ARMC2: variants seen among roughly 807,000 people sequenced by gnomAD.
The protein encoded by ARMC2 is armadillo repeat containing 2.
ARMC2 carries 67 observed loss-of-function variants against 90.3 expected under a neutral mutation model. That is an observed-to-expected ratio of 0.74 (90% CI 0.61 to 0.91). The LOEUF (loss-of-function observed/expected upper bound fraction) is 0.91. Among genes scored for constraint, ARMC2 ranks in the 40% least tolerant of loss-of-function variants. The pLI is 0.00. For missense variants in ARMC2, 920 were observed against 1,030.9 expected (o/e 0.89, Z 1.47); for synonymous variants, 393 against 393.0 (o/e 1.00, Z 0.00).
At chr6:108,874,303 C>T (rs921846576) in intron 4 of ARMC2, among the ~76,000 whole-genome samples, 1 of 152,184 alleles carries the variant, frequency 6.6e-6, no homozygotes, top group Non-Finnish European at 1.5e-5. Flanking sequence ...TCTAGAAGCT[C>T]CATGATGGCT....
chr6:108,998,776 G>A, the ARMC2 span: 28 of 1,582,498 alleles, frequency 1.8e-5, no homozygotes, highest in Non-Finnish European at 2.3e-5. Flanking sequence ...AAAAAAAAAA[G>A]AATATATTTT....
intron 12 of ARMC2, among the ~76,000 whole-genome samples, chr6:108,951,038 C>T (rs1562421343): frequency 6.6e-6 from 1 of 152,172 alleles, no homozygotes. Context: ...AATCATTGCT[C>T]AGTACAATTT....
At chr6:108,905,150 G>A (rs1303153752) in intron 8 of ARMC2, among the ~76,000 whole-genome samples, 1 of 152,186 alleles carries the variant, frequency 6.6e-6, no homozygotes, top group African/African-American at 2.4e-5. Context: ...TTTCATACAA[G>A]TACAAGCTTT....
At chr6:108,950,211 C>G (rs187310106) in intron 12 of ARMC2, among the ~76,000 whole-genome samples, 296 of 151,816 alleles carry the variant, frequency 1.9e-3, no homozygotes, top group Non-Finnish European at 2.5e-3. Flanking sequence ...GTCTCAAAAA[C>G]AAAAACAAAA....
At chr6:108,853,640 A>G (rs1774226418) in intron 1 of ARMC2, among the ~76,000 whole-genome samples, 1 of 152,150 alleles carries the variant, frequency 6.6e-6, no homozygotes, top group Non-Finnish European at 1.5e-5. Context: ...CTCTTTCAGG[A>G]AGGGGTGTTG....
intron 3 of ARMC2, among the ~76,000 whole-genome samples, chr6:108,867,771 CAA>C (rs879705774): frequency 2.2e-5 from 3 of 138,776 alleles, no homozygotes; most frequent in Non-Finnish European, 3.1e-5. Flanking sequence ...AACTTCATCT[CAA>C]AAAAAAAAAA....
the ARMC2 span, among the ~76,000 whole-genome samples, chr6:108,979,835 A>C: frequency 6.6e-6 from 1 of 151,788 alleles, no homozygotes; most frequent in East Asian, 2.0e-4. Flanking sequence ...TGTGTTTTTC[A>C]GTTCCATCAG....
the ARMC2 span, among the ~76,000 whole-genome samples, chr6:109,028,496 G>A: frequency 5.9e-5 from 9 of 152,070 alleles, no homozygotes; most frequent in Non-Finnish European, 1.2e-4. Flanking sequence ...AGTACTGTCT[G>A]ATGAGTTTCT....
the ARMC2 span, among the ~76,000 whole-genome samples, chr6:109,039,103 GAGA>G: frequency 7.4e-5 from 11 of 149,104 alleles, no homozygotes; most frequent in Non-Finnish European, 4.5e-5. Flanking sequence ...AAGGAGGGAG[GAGA>G]AGGAGAAGGA....
chr6:108,871,385 C>G (rs1021851297), intron 4 of ARMC2, among the ~76,000 whole-genome samples: 11 of 152,086 alleles, frequency 7.2e-5, no homozygotes, highest in African/African-American at 2.7e-4. Flanking sequence ...TCAAACGCTC[C>G]CCCCGCAACC....
Position 108,899,731 on chromosome 6 carries a change from A to G in ARMC2, c.786A>G (p.Ile262Met). 6.2e-7 allele frequency: 1 copy of G among 1,613,824 alleles called. No individual in the cohort carries two copies. Among genetic ancestry groups the G allele is most frequent in the Non-Finnish European group, 8.5e-7 (1 of 1,179,816 alleles). The stretch of plus-strand genomic sequence containing the variant: ...ACCTGCAAGAAGAGGACGCAGAAAT[A>G]GAAGTAGACGAAGTCTTTTGGAATA... ...KADLQEEDAE[I>M]EVDEVFWNTR... is the part of the protein sequence containing the mutation. Residue 262 changes from isoleucine (I) to methionine (M), a missense_variant, in exon 7 of 18, where the codon ATA becomes ATG. Transcript: ENST00000392644.
chr6:108,961,738 A>G (rs1295131324), intron 14 of ARMC2, 44 bp downstream of exon 14: 1 of 1,535,660 alleles, frequency 6.5e-7, no homozygotes, highest in Admixed American at 2.0e-5. Context: ...GCTCATTTGA[A>G]GTTTCGATTT....
intron 7 of ARMC2, among the ~76,000 whole-genome samples, chr6:108,901,912 A>T (rs1437065136): frequency 6.6e-6 from 1 of 152,216 alleles, no homozygotes; most frequent in African/African-American, 2.4e-5. Context: ...AATATTTTAC[A>T]GACTGTCCCG....
the ARMC2 span, among the ~76,000 whole-genome samples, chr6:109,012,699 A>C: frequency 6.6e-6 from 1 of 152,180 alleles, no homozygotes; most frequent in Non-Finnish European, 1.5e-5. Context: ...TCTAAGTAAA[A>C]GATCTAGCAT....
rs901104240 is a variant in ARMC2, at chr6:108,898,823, C to T, written c.749-871C>T. 2.6e-5 allele frequency among the ~76,000 whole-genome samples: 4 copies of T among 152,136 alleles called. No homozygotes were observed. In the East Asian group the frequency reaches 5.8e-4, roughly 22 times the overall value. On this transcript the variant is annotated intron_variant, in intron 6 of 17. Transcript: ENST00000392644. Reference sequence around the variant, plus strand: ...TACTGCAAAAATGAAATGGAGGCCTCCTGCATCTAGAGTACACAGTCAATG... The same window carrying T: ...TACTGCAAAAATGAAATGGAGGCCTTCTGCATCTAGAGTACACAGTCAATG...
the ARMC2 span, among the ~76,000 whole-genome samples, chr6:108,989,352 A>G: frequency 2.0e-5 from 3 of 152,056 alleles, no homozygotes; most frequent in Non-Finnish European, 4.4e-5. Flanking sequence ...TAAGAAACAA[A>G]TTAATTACAT....
At chr6:108,869,532 GA>G (rs1471026535) in intron 4 of ARMC2, among the ~76,000 whole-genome samples, 1 of 152,054 alleles carries the variant, frequency 6.6e-6, no homozygotes, top group Non-Finnish European at 1.5e-5. Context: ...AGAATATTAG[GA>G]TAAGTATTCC....
chr6:109,003,898 C>T, the ARMC2 span, among the ~76,000 whole-genome samples: 7 of 152,128 alleles, frequency 4.6e-5, no homozygotes, highest in South Asian at 1.2e-3. Context: ...AACATTTATC[C>T]CCTCTAATTT....
chr6:109,002,009 T>C, the ARMC2 span, among the ~76,000 whole-genome samples: 7 of 149,952 alleles, frequency 4.7e-5, no homozygotes, highest in African/African-American at 9.7e-5. Flanking sequence ...CATCTAAATA[T>C]AAGCAGATGT....
Sources: allele counts gnomAD v4.1 joint callset (sites outside exome capture counted in the v4.1 genomes callset), GRCh38; gene constraint gnomAD v4.1.1; transcripts MANE v1.5; gene names NCBI Gene and HGNC (gene_info 2026-07-23, HGNC 2026-07-21).